The following GAL3ST4 variants were observed in gnomAD, a reference collection of about 807,000 sequenced individuals.
The protein encoded by GAL3ST4 is galactose-3-O-sulfotransferase 4, also known as beta-galactose-3-O-sulfotransferase 4.
GAL3ST4 carries 30 observed loss-of-function variants against 31.6 expected under a neutral mutation model. The ratio of observed to expected loss-of-function variants is 0.95; its 90% CI spans 0.71 to 1.29. The LOEUF is 1.29. Among genes scored for constraint, GAL3ST4 ranks in the 50% most tolerant of loss-of-function variants. The probability of loss-of-function intolerance (pLI) is 0.00; values close to 1 mark genes in which losing one functional copy is unlikely to be tolerated. For synonymous variants in GAL3ST4, 248 were observed against 256.9 expected (o/e 0.97, Z 0.33); for missense variants, 629 against 625.2 (o/e 1.01, Z -0.06).
In GAL3ST4 at chr7:100,167,266, T is replaced by A. The variant is rs1465025059; in HGVS notation, c.-171A>T. On this transcript the variant is annotated 5_prime_UTR_variant, in exon 2 of 4. Coordinates refer to ENST00000360039, the MANE Select transcript of GAL3ST4 (RefSeq NM_024637.5). Reference sequence around the variant, plus strand: ...GAGTCTGCCCCCTGAGTTAGCAGATTTTTGCCTCTGTCAGCGTCTAGAAGG... The same window carrying A: ...GAGTCTGCCCCCTGAGTTAGCAGATATTTGCCTCTGTCAGCGTCTAGAAGG... 6.9e-7 allele frequency: 1 copy of A among 1,458,098 alleles called. No homozygotes were observed. The highest frequency in any genetic ancestry group is 1.4e-5 in the African/African-American group (1 of 70,384). The allele number at this position is 1,458,098 out of a possible 1,614,324, so 90.3% of individuals were successfully genotyped here. A position where few individuals can be genotyped will look rare whatever the true frequency, so the allele number is the denominator to read the frequency against.
rs758598011 is a variant in GAL3ST4 at position 100,167,068 on chromosome 7, G to A, written c.28C>T (p.Leu10=). Reference sequence around the variant, plus strand: ...AGGCTCCGAGGTCCCCAGAGCCGCAGCGTCCTGGCAGGAGAGAGAGGGCCC... The same window carrying A: ...AGGCTCCGAGGTCCCCAGAGCCGCAACGTCCTGGCAGGAGAGAGAGGGCCC... MGPLSPART[L]RLWGPRSLGV... The change falls in exon 2 of 4, where the codon CTG becomes TTG. Residue 10 remains leucine, a synonymous_variant. Transcript: ENST00000360039. 2.6e-5 allele frequency: 41 copies of A among 1,556,720 alleles called. No individual in the cohort carries two copies. Among genetic ancestry groups the A allele is most frequent in the Non-Finnish European group, 3.6e-5 (41 of 1,149,546 alleles).
intron 3 of GAL3ST4, among the ~76,000 whole-genome samples, chr7:100,165,031 T>A (rs571495569): frequency 2.0e-5 from 3 of 147,354 alleles, no homozygotes; most frequent in Non-Finnish European, 4.5e-5. Context: ...CCCACCACCA[T>A]GCCCGGCTAA....
At chr7:100,165,788 T>G (rs1799061477) in intron 3 of GAL3ST4, among the ~76,000 whole-genome samples, 1 of 144,298 alleles carries the variant, frequency 6.9e-6, no homozygotes, top group African/African-American at 2.6e-5. Flanking sequence ...ACCACTGCAT[T>G]CCAGCCTGGA....
Position 100,160,422 on chromosome 7 carries a change from C to G in GAL3ST4, c.967G>C (p.Asp323His), listed in dbSNP as rs144392089. 6 of 1,613,982 alleles carry G rather than the reference C, an allele frequency of 3.7e-6. No homozygotes were observed. Among genetic ancestry groups the G allele is most frequent in the Non-Finnish European group, 5.1e-6 (6 of 1,180,050 alleles). The part of the protein sequence containing the change: ...LLADALCWGL[D>H]DVVGFMHNAQ... ...TTGTGCATGAAGCCCACCACGTCAT[C>G]TAGACCCCAGCACAGGGCATCTGCC... Residue 323 changes from aspartate (D) to histidine (H), a missense_variant, in exon 4 of 4, where the codon GAT becomes CAT. Coordinates refer to ENST00000360039, the MANE Select transcript of GAL3ST4 (RefSeq NM_024637.5).
Position 100,159,802 on chromosome 7 carries a change from G to T in GAL3ST4, c.*126C>A. Reference sequence around the variant, plus strand: ...CACTGCTGGGAGCCCAGCGAAGAGGGGGCTTGCATCGGGACAAAGACTCAT... The same window carrying T: ...CACTGCTGGGAGCCCAGCGAAGAGGTGGCTTGCATCGGGACAAAGACTCAT... On this transcript the variant is annotated 3_prime_UTR_variant, in exon 4 of 4. Transcript: ENST00000360039. The T allele has an allele frequency of 1.3e-6, 1 of 778,376 alleles. No individual in the cohort carries two copies. Among genetic ancestry groups the T allele is most frequent in the East Asian group, 2.6e-5 (1 of 38,196 alleles). The allele number at this position is 778,376 out of a possible 1,614,324, so 48.2% of individuals were successfully genotyped here. A position where few individuals can be genotyped will look rare whatever the true frequency, so the allele number is the denominator to read the frequency against.
Position 100,159,853 on chromosome 7 carries a change from A to ATCTTG in GAL3ST4, c.*70_*74dup, listed in dbSNP as rs1324011772. ...CCCTTCTGGGAGATGCAGAAATGGC[A>ATCTTG]TCTTGCTGCCCCCCACTCATCACAT... On this transcript the variant is annotated 3_prime_UTR_variant, in exon 4 of 4. Coordinates refer to ENST00000360039, the MANE Select transcript of GAL3ST4 (RefSeq NM_024637.5). 4.0e-6 allele frequency: 5 copies of ATCTTG among 1,263,666 alleles called. No homozygotes were observed. The African/African-American group carries it at 6.0e-5, about 15-fold the overall frequency. 78.3% of individuals were successfully genotyped at this position (1,263,666 alleles called of 1,614,324 possible). A position where few individuals can be genotyped will look rare whatever the true frequency, so the allele number is the denominator to read the frequency against.
rs563892584 is a variant in GAL3ST4, at chr7:100,159,248, T to C, written c.*680A>G. The C allele has an allele frequency of 6.6e-6, 1 of 152,074 alleles. No homozygotes were observed. The highest frequency in any genetic ancestry group is 2.4e-5 in the African/African-American group (1 of 41,456). 9.4% of individuals were successfully genotyped at this position (152,074 alleles called of 1,614,324 possible). A position where few individuals can be genotyped will look rare whatever the true frequency, so the allele number is the denominator to read the frequency against. On this transcript the variant is annotated 3_prime_UTR_variant, in exon 4 of 4. Transcript: ENST00000360039. Reference sequence around the variant, plus strand: ...CCACCCTCCATAAATCAAGTAGAAGTTTCAAATTATTTATTCATTCAACAA... The same window carrying C: ...CCACCCTCCATAAATCAAGTAGAAGCTTCAAATTATTTATTCATTCAACAA...
chr7:100,167,244 T>G lies in GAL3ST4; in HGVS notation c.-149A>C. 1 of 1,492,222 alleles carries G rather than the reference T, an allele frequency of 6.7e-7. No homozygotes were observed. The highest frequency in any genetic ancestry group is 8.9e-7 in the Non-Finnish European group (1 of 1,118,646). The allele number at this position is 1,492,222 out of a possible 1,614,324, so 92.4% of individuals were successfully genotyped here. On this transcript the variant is annotated 5_prime_UTR_variant, in exon 2 of 4. Coordinates refer to ENST00000360039, the MANE Select transcript of GAL3ST4 (RefSeq NM_024637.5). ...AGGCCTGCTCACAGTCTTGGTTGAGTCTGCCCCCTGAGTTAGCAGATTTTT... is the reference window on the plus strand; with the variant it reads ...AGGCCTGCTCACAGTCTTGGTTGAGGCTGCCCCCTGAGTTAGCAGATTTTT...
At position 100,164,371 on chromosome 7, in the gene GAL3ST4, C is replaced by T. The variant is rs886184747; in HGVS notation, c.429+2131G>A. Among the ~76,000 whole-genome samples the T allele has an allele frequency of 7.9e-5, 12 of 152,070 alleles. No individual in the cohort carries two copies. The South Asian group carries it at 2.5e-3, about 32-fold the overall frequency. On this transcript the variant is annotated intron_variant, in intron 3 of 3. Transcript: ENST00000360039. ...GCCACATCCACCTTTTCCTTTAAAA[C>T]CCCCCGCTCTCGGCTGGGCACGGTG...
At position 100,160,603 on chromosome 7, in the gene GAL3ST4, A is replaced by T; in HGVS notation, c.786T>A (p.Pro262=). 1 of 1,613,816 alleles carries T rather than the reference A, an allele frequency of 6.2e-7. No homozygotes were observed. The highest frequency in any genetic ancestry group is 2.2e-5 in the East Asian group (1 of 44,888). ...TGCGATGATCAGTAACAGTGGAAAC[A>T]GGATGGATGAGGGCATTGGGATTGA... ...QTLNPNALIH[P]VSTVTDHRSQ... is the part of the protein sequence containing the mutation. Residue 262 remains proline, a synonymous_variant, in exon 4 of 4, where the codon CCT becomes CCA. Transcript: ENST00000360039.
Position 100,160,349 on chromosome 7 carries a change from C to T in GAL3ST4, c.1040G>A (p.Gly347Glu). The part of the protein sequence containing the change: ...KQGLSTVSNS[G>E]LTAEDRQLTA... ...CAGCTGCCGGTCCTCCGCAGTCAGT[C>T]CACTGTTGCTGACAGTGCTGAGGCC... Residue 347 changes from glycine (G) to glutamate (E), a missense_variant, in exon 4 of 4, where the codon GGA (glycine) becomes GAA (glutamate). Transcript: ENST00000360039. 6.2e-7 allele frequency: 1 copy of T among 1,614,006 alleles called. No homozygotes were observed. The highest frequency in any genetic ancestry group is 1.7e-4 in the Middle Eastern group (1 of 6,060).
Position 100,160,485 on chromosome 7 carries a change from T to C in GAL3ST4, c.904A>G (p.Met302Val), listed in dbSNP as rs1481706799. ...AWLDSVFDLV[M>V]VAEYFDESLV... The stretch of plus-strand genomic sequence containing the variant: ...GACTCATCGAAGTACTCAGCCACCA[T>C]GACCAGGTCAAAGACAGAGTCCAGC... Residue 302 changes from methionine to valine, a missense_variant, in exon 4 of 4, where the codon ATG (methionine) becomes GTG (valine). Coordinates refer to ENST00000360039, the MANE Select transcript of GAL3ST4 (RefSeq NM_024637.5). 4.3e-6 allele frequency: 7 copies of C among 1,614,088 alleles called. No individual in the cohort carries two copies. Among genetic ancestry groups the C allele is most frequent in the Non-Finnish European group, 5.1e-6 (6 of 1,180,026 alleles).
At position 100,160,970 on chromosome 7, in the gene GAL3ST4, G is replaced by A; in HGVS notation, c.430-11C>T. 1 of 1,568,216 alleles carries A rather than the reference G, an allele frequency of 6.4e-7. No homozygotes were observed. Among genetic ancestry groups the A allele is most frequent in the Non-Finnish European group, 8.6e-7 (1 of 1,160,704 alleles). On this transcript the variant is annotated splice_polypyrimidine_tract_variant and intron_variant, in intron 3 of 3. Coordinates refer to ENST00000360039, the MANE Select transcript of GAL3ST4 (RefSeq NM_024637.5). ...CATGACCTGAAGTACCTGCAGAGGA[G>A]GGAAGACAGAAGAGAGAGAACTGGG...
chr7:100,167,291 G>T lies in GAL3ST4; in HGVS notation c.-188-8C>A. The T allele has an allele frequency of 7.5e-7, 1 of 1,335,926 alleles. No homozygotes were observed. Among genetic ancestry groups the T allele is most frequent in the Non-Finnish European group, 1.0e-6 (1 of 1,002,376 alleles). The allele number at this position is 1,335,926 out of a possible 1,614,324, so 82.8% of individuals were successfully genotyped here. ...TTTTGCCTCTGTCAGCGTCTAGAAGGGAAATGAGGGGGGAAGAAGGGAAGT... is the reference window on the plus strand; with the variant it reads ...TTTTGCCTCTGTCAGCGTCTAGAAGTGAAATGAGGGGGGAAGAAGGGAAGT... On this transcript the variant is annotated splice_polypyrimidine_tract_variant and splice_region_variant and intron_variant, in intron 1 of 3. Transcript: ENST00000360039.
chr7:100,165,436 G>A (rs1799056780), intron 3 of GAL3ST4, among the ~76,000 whole-genome samples: 1 of 152,172 alleles, frequency 6.6e-6, no homozygotes, highest in South Asian at 2.1e-4. Context: ...CTCCCAAAGT[G>A]CTGGGCTTAG....
intron 3 of GAL3ST4, among the ~76,000 whole-genome samples, chr7:100,165,569 G>T (rs1270699347): frequency 6.6e-6 from 1 of 152,024 alleles, no homozygotes; most frequent in Non-Finnish European, 1.5e-5. Flanking sequence ...AAGGGAAGGG[G>T]CGTGTTGTCC....
chr7:100,165,327 C>T (rs1346794603), intron 3 of GAL3ST4, among the ~76,000 whole-genome samples: 1 of 152,094 alleles, frequency 6.6e-6, no homozygotes, highest in Non-Finnish European at 1.5e-5. Context: ...TGTGCCACCA[C>T]GCCTGGCTAA....
At chr7:100,161,345 C>G (rs1298816706) in intron 3 of GAL3ST4, among the ~76,000 whole-genome samples, 2 of 151,786 alleles carry the variant, frequency 1.3e-5, no homozygotes, top group African/African-American at 4.8e-5. Context: ...GAGACCCTGT[C>G]TCTACAAAAA....
chr7:100,166,205 A>T (rs1321179580), intron 3 of GAL3ST4, among the ~76,000 whole-genome samples: 1 of 152,160 alleles, frequency 6.6e-6, no homozygotes, highest in Non-Finnish European at 1.5e-5. Context: ...GGGCACCTGG[A>T]GGGAGAGTTG....
Sources: allele counts gnomAD v4.1 joint callset (sites outside exome capture counted in the v4.1 genomes callset), GRCh38; gene constraint gnomAD v4.1.1; transcripts MANE v1.5; gene names NCBI Gene and HGNC (gene_info 2026-07-23, HGNC 2026-07-21).